CENPX: variants seen among roughly 807,000 people sequenced by gnomAD.
CENPX encodes the protein centromere protein X.
A neutral mutation model predicts 13.2 loss-of-function variants in CENPX; 13 were observed. The ratio of observed to expected loss-of-function variants is 0.98; its 90% CI spans 0.64 to 1.56. CENPX has a LOEUF of 1.56. Among genes scored for constraint, CENPX ranks in the 40% most tolerant of loss-of-function variants. CENPX has a pLI of 0.00. For missense variants in CENPX, 138 were observed against 107.5 expected (o/e 1.28, Z -1.26); for synonymous variants, 66 against 47.2 (o/e 1.40, Z -1.63).
At chr17:82,019,430 C>T in intron 3 of CENPX, 49 bp from the exon 4 acceptor site, 1 of 1,523,336 alleles carries the variant, frequency 6.6e-7, no homozygotes, top group Admixed American at 2.0e-5. Context: ...GATCTTAAAC[C>T]CGAGCCCAGT....
At chr17:82,021,811 C>A (rs1276321135) in intron 1 of CENPX, among the ~76,000 whole-genome samples, 1 of 152,224 alleles carries the variant, frequency 6.6e-6, no homozygotes, top group African/African-American at 2.4e-5. Context: ...GTGAGGTGGC[C>A]CAAGCCTCAG....
rs748052143 is a variant in CENPX, at chr17:82,022,858, C to A, written c.4G>T (p.Glu2Ter). The A allele has an allele frequency of 1.3e-6, 2 of 1,593,122 alleles. No individual in the cohort carries two copies. Among genetic ancestry groups the A allele is most frequent in the Non-Finnish European group, 1.7e-6 (2 of 1,172,674 alleles). The part of the protein sequence containing the change: M[E>*]GAGAGSGFRK... The stretch of plus-strand genomic sequence containing the variant: ...AAGCCGGATCCAGCTCCTGCTCCCT[C>A]CATGACCGCAGCCTCAACGCGCGCC... The change falls in exon 1 of 5, where the codon GAG becomes TAG. Residue 2 changes from glutamate (E) to a stop codon, truncating the protein, a stop_gained. Coordinates refer to ENST00000392359, the MANE Select transcript of CENPX (RefSeq NM_001271006.2). LOFTEE classifies it high-confidence loss of function.
rs913474574 is a variant in CENPX, at chr17:82,019,653, C to G, written c.130G>C (p.Val44Leu). Reference protein sequence around the residue: ...ALQLMVELLKVFVVEAAVRGV... With the variant: ...ALQLMVELLKLFVVEAAVRGV... ...GCCCTGGGCTCACCCACAACGAAGA[C>G]CTTCAGCAACTCCACCATGAGCTGC... is the stretch of plus-strand genomic sequence containing the variant. The change falls in exon 3 of 5, where the codon GTC (valine) becomes CTC (leucine). Residue 44 changes from valine to leucine, a missense_variant. Coordinates refer to ENST00000392359, the MANE Select transcript of CENPX (RefSeq NM_001271006.2). 1 of 1,550,236 alleles carries G rather than the reference C, an allele frequency of 6.5e-7. No individual in the cohort carries two copies. Among genetic ancestry groups the G allele is most frequent in the African/African-American group, 1.4e-5 (1 of 73,060 alleles).
chr17:82,019,247 A>G lies in CENPX; in HGVS notation c.232-28T>C, dbSNP rs762390338. ...GTGGGGAAGAGAAGCACTTAGGGCC[A>G]GCCAGCCGGGCACCCCCACTTGCGC... On this transcript the variant is annotated intron_variant, in intron 4 of 4. Transcript: ENST00000392359. The G allele has an allele frequency of 3.1e-6, 5 of 1,597,034 alleles. No homozygotes were observed. In the East Asian group the frequency reaches 9.0e-5, roughly 29 times the overall value.
chr17:82,020,491 G>A (rs532909959), intron 1 of CENPX, among the ~76,000 whole-genome samples: 10 of 152,316 alleles, frequency 6.6e-5, no homozygotes, highest in African/African-American at 2.2e-4. Context: ...AGCGCAGAGC[G>A]GGGCTGCGCC....
intron 3 of CENPX, 108 bp from the exon 4 acceptor site, chr17:82,019,489 C>T (rs908962878): frequency 6.6e-7 from 1 of 1,513,586 alleles, no homozygotes. Flanking sequence ...ACGGGCAGCC[C>T]CCAGAACCAG....
At chr17:82,020,303 G>A (rs2043259268) in intron 1 of CENPX, among the ~76,000 whole-genome samples, 1 of 152,256 alleles carries the variant, frequency 6.6e-6, no homozygotes, top group African/African-American at 2.4e-5. Context: ...GGGGAGGCAG[G>A]GAAGGCAGAG....
intron 1 of CENPX, among the ~76,000 whole-genome samples, chr17:82,020,344 T>C (rs369189925): frequency 1.3e-5 from 2 of 152,254 alleles, no homozygotes; most frequent in African/African-American, 4.8e-5. Context: ...TGGAGGTGGC[T>C]GCTCTGCAGG....
intron 3 of CENPX, 106 bp from the exon 4 acceptor site, chr17:82,019,487 C>T (rs1366152107): frequency 6.6e-7 from 1 of 1,508,848 alleles, no homozygotes; most frequent in African/African-American, 1.4e-5. Context: ...CCACGGGCAG[C>T]CCCCAGAACC....
At chr17:82,020,092 G>A (rs60829849) in intron 1 of CENPX, among the ~76,000 whole-genome samples, 183 bp from the exon 2 acceptor site, 1 of 152,224 alleles carries the variant, frequency 6.6e-6, no homozygotes, top group African/African-American at 2.4e-5. Flanking sequence ...TGAAGCAGAT[G>A]CGTGGGCAGC....
chr17:82,022,848 C>T lies in CENPX; in HGVS notation c.14G>A (p.Gly5Glu), dbSNP rs755827936. 2 of 1,593,040 alleles carry T rather than the reference C, an allele frequency of 1.3e-6. No homozygotes were observed. Among genetic ancestry groups the T allele is most frequent in the Non-Finnish European group, 1.7e-6 (2 of 1,172,630 alleles). The stretch of plus-strand genomic sequence containing the variant: ...CACCTTCCGGAAGCCGGATCCAGCT[C>T]CTGCTCCCTCCATGACCGCAGCCTC... The part of the protein sequence containing the change: MEGA[G>E]AGSGFRKELV... The change falls in exon 1 of 5, where the codon GGA becomes GAA. Residue 5 changes from glycine to glutamate, a missense_variant. Coordinates refer to ENST00000392359, the MANE Select transcript of CENPX (RefSeq NM_001271006.2).
intron 1 of CENPX, among the ~76,000 whole-genome samples, chr17:82,020,899 C>A (rs569827584): frequency 6.6e-6 from 1 of 152,264 alleles, no homozygotes; most frequent in South Asian, 2.1e-4. Flanking sequence ...GGCCGAGACT[C>A]AGGAGGGCAG....
chr17:82,020,910 C>G (rs925748771), intron 1 of CENPX, among the ~76,000 whole-genome samples: 11 of 152,176 alleles, frequency 7.2e-5, no homozygotes, highest in Admixed American at 3.3e-4. Flanking sequence ...AGGAGGGCAG[C>G]CCTGGGTGGC....
At chr17:82,022,206 G>A (rs1480540737) in intron 1 of CENPX, among the ~76,000 whole-genome samples, 1 of 152,174 alleles carries the variant, frequency 6.6e-6, no homozygotes, top group African/African-American at 2.4e-5. Context: ...CCTCCAGCCT[G>A]GGCGGATCCT....
intron 2 of CENPX, 60 bp downstream of exon 2, chr17:82,019,797 AG>A: frequency 6.3e-7 from 1 of 1,576,716 alleles, no homozygotes; most frequent in Non-Finnish European, 8.6e-7. Context: ...GCAGAGTTGC[AG>A]GAAAGGGTCC....
At chr17:82,019,786 T>C in intron 2 of CENPX, 72 bp downstream of exon 2, 5 of 1,565,664 alleles carry the variant, frequency 3.2e-6, no homozygotes, top group African/African-American at 2.7e-5. Flanking sequence ...GCCTTGGCCC[T>C]GCAGAGTTGC....
rs1371570374 is a variant in CENPX at position 82,019,206 on chromosome 17, T to C, written c.245A>G (p.Ter82TrpextTer27). 1 of 1,580,100 alleles carries C rather than the reference T, an allele frequency of 6.3e-7. No homozygotes were observed. The highest frequency in any genetic ancestry group is 8.6e-7 in the Non-Finnish European group (1 of 1,157,836). ...KVLPQLLLDF[*>W] ...TGGCCTCAGCCACGGCTGAGATCCC[T>C]AGAAGTCCAGGAGCTGTGGGGAAGA... The change falls in exon 5 of 5, where the codon TAG becomes TGG. Residue 82 changes from the stop codon to tryptophan, a stop_lost. Coordinates refer to ENST00000392359, the MANE Select transcript of CENPX (RefSeq NM_001271006.2).
In CENPX at chr17:82,019,082, T is replaced by A. The variant is rs551815262; in HGVS notation, c.*123A>T. On this transcript the variant is annotated 3_prime_UTR_variant, in exon 5 of 5. Coordinates refer to ENST00000392359, the MANE Select transcript of CENPX (RefSeq NM_001271006.2). The stretch of plus-strand genomic sequence containing the variant: ...GGCTGGAGACTCCCAGAGATCTTGT[T>A]TGAATCAACTCCAAATCCTTCAGGT... 1 of 1,377,424 alleles carries A rather than the reference T, an allele frequency of 7.3e-7. No homozygotes were observed. The highest frequency in any genetic ancestry group is 1.4e-5 in the African/African-American group (1 of 69,194). The allele number at this position is 1,377,424 out of a possible 1,614,324, so 85.3% of individuals were successfully genotyped here.
intron 1 of CENPX, among the ~76,000 whole-genome samples, chr17:82,021,324 C>T (rs1047124343): frequency 3.3e-5 from 5 of 152,230 alleles, no homozygotes; most frequent in Non-Finnish European, 2.9e-5. Flanking sequence ...ACCTGCTGGT[C>T]CTTCCAGCTG....
Sources: allele counts gnomAD v4.1 joint callset (sites outside exome capture counted in the v4.1 genomes callset), GRCh38; gene constraint gnomAD v4.1.1; transcripts MANE v1.5; gene names NCBI Gene and HGNC (gene_info 2026-07-23, HGNC 2026-07-21).